The following RBFOX1 variants were observed in gnomAD, a reference collection of about 807,000 sequenced individuals.
The protein encoded by RBFOX1 is RNA binding protein fox-1 homolog 1.
A neutral mutation model predicts 57.7 loss-of-function variants in RBFOX1; 8 were observed. The observed-to-expected ratio is 0.14, with a 90% CI of 0.08 to 0.25. The LOEUF is 0.25. RBFOX1 is among the 10% of genes least tolerant of loss of function. The pLI is 1.00. For missense variants in RBFOX1, 611 were observed against 548.5 expected (o/e 1.11, Z -1.14); for synonymous variants, 326 against 222.4 (o/e 1.47, Z -4.15).
chr16:6,293,073 A>G (rs2077640623), intron 1 of RBFOX1, among the ~76,000 whole-genome samples: 1 of 152,020 alleles, frequency 6.6e-6, no homozygotes, highest in Non-Finnish European at 1.5e-5. Flanking sequence ...TCTACTCCTC[A>G]TAGCCACACT....
At position 7,036,174 on chromosome 16, in the gene RBFOX1, G is replaced by T. The variant is rs552875414; in HGVS notation, c.-15-15883G>T. On this transcript the variant is annotated intron_variant, in intron 3 of 15. Coordinates refer to ENST00000550418, the MANE Select transcript of RBFOX1 (RefSeq NM_018723.4). The stretch of plus-strand genomic sequence containing the variant: ...TCCCTATTTCCTTGTCTGGAGAATT[G>T]GTCCCATGGGACTTAGTTCACCTTG... Among the ~76,000 whole-genome samples, 7 of 150,632 alleles carry T rather than the reference G, an allele frequency of 4.6e-5. No individual in the cohort carries two copies. The South Asian group carries it at 1.1e-3, about 23-fold the overall frequency.
chr16:5,693,113 G>C (rs376270883), intron 3 of RBFOX1, among the ~76,000 whole-genome samples: 2 of 152,120 alleles, frequency 1.3e-5, no homozygotes, highest in Admixed American at 6.5e-5. Flanking sequence ...GTGGACAGAC[G>C]TGGGTGTGAG....
At chr16:5,277,368 G>C (rs1210846245) in intron 1 of RBFOX1, among the ~76,000 whole-genome samples, 2 of 152,048 alleles carry the variant, frequency 1.3e-5, no homozygotes, top group Non-Finnish European at 2.9e-5. Context: ...CTGGCGATGG[G>C]TGTGCCAAAA....
intron 4 of RBFOX1, among the ~76,000 whole-genome samples, chr16:7,237,251 G>C (rs913813674): frequency 6.6e-6 from 1 of 152,188 alleles, no homozygotes; most frequent in South Asian, 2.1e-4. Flanking sequence ...TGCTGGATCA[G>C]CTGGTCCCAG....
chr16:5,450,304 A>G (rs1162875101), intron 1 of RBFOX1, among the ~76,000 whole-genome samples: 1 of 152,198 alleles, frequency 6.6e-6, no homozygotes, highest in Admixed American at 6.5e-5. Context: ...GGTCCTGCTT[A>G]CATAAACAGC....
At chr16:7,174,647 G>A (rs142582084) in intron 4 of RBFOX1, among the ~76,000 whole-genome samples, 1 of 152,152 alleles carries the variant, frequency 6.6e-6, no homozygotes, top group Non-Finnish European at 1.5e-5. Flanking sequence ...AGGCGTGGTG[G>A]TGGGTACCTG....
intron 4 of RBFOX1, among the ~76,000 whole-genome samples, chr16:7,071,514 T>A (rs2057328401): frequency 6.6e-6 from 1 of 151,768 alleles, no homozygotes; most frequent in Admixed American, 6.6e-5. Context: ...TTGAATAGAT[T>A]TGAAAGCAAC....
intron 4 of RBFOX1, among the ~76,000 whole-genome samples, chr16:7,383,133 C>G (rs527639700): frequency 2.0e-5 from 3 of 152,060 alleles, no homozygotes; most frequent in Admixed American, 6.6e-5. Flanking sequence ...CAGTCTTGTT[C>G]TGTGCTTCAT....
chr16:7,710,441 G>T (rs545329639), intron 15 of RBFOX1, 182 bp from the exon 16 acceptor site: 4 of 1,422,230 alleles, frequency 2.8e-6, no homozygotes, highest in Non-Finnish European at 3.6e-6. Context: ...TTTAGGAGGA[G>T]CTATTGGGGA....
At chr16:7,552,536 C>T (rs1181668558) in intron 5 of RBFOX1, among the ~76,000 whole-genome samples, 2 of 152,072 alleles carry the variant, frequency 1.3e-5, no homozygotes, top group South Asian at 2.1e-4. Flanking sequence ...CTTTCTAAGG[C>T]GAGATCTGAA....
At chr16:7,597,629 T>G (rs1464025782) in intron 9 of RBFOX1, among the ~76,000 whole-genome samples, 198 bp downstream of exon 9, 1 of 152,254 alleles carries the variant, frequency 6.6e-6, no homozygotes, top group Non-Finnish European at 1.5e-5. Flanking sequence ...TCAGGTTAAG[T>G]GTGCCTGCCC....
chr16:5,489,906 A>T (rs527467711), intron 2 of RBFOX1, among the ~76,000 whole-genome samples: 1 of 152,274 alleles, frequency 6.6e-6, no homozygotes, highest in East Asian at 1.9e-4. Context: ...CCTTCTTGGC[A>T]CCTTAAGCGC....
chr16:7,246,278 T>A (rs2094295142), intron 4 of RBFOX1, among the ~76,000 whole-genome samples: 1 of 152,138 alleles, frequency 6.6e-6, no homozygotes, highest in African/African-American at 2.4e-5. Flanking sequence ...TGCAATCCAA[T>A]TGCCTCTCAC....
intron 3 of RBFOX1, among the ~76,000 whole-genome samples, chr16:6,976,253 C>T (rs1205985621): frequency 7.2e-5 from 11 of 152,156 alleles, no homozygotes; most frequent in Non-Finnish European, 4.4e-5. Context: ...AGGCACGGGG[C>T]AGTTAAGAAA....
intron 12 of RBFOX1, among the ~76,000 whole-genome samples, chr16:7,659,525 C>A (rs971653095): frequency 5.3e-5 from 8 of 152,086 alleles, no homozygotes; most frequent in African/African-American, 1.9e-4. Context: ...CTGGGACACA[C>A]TGAAAGAATT....
chr16:6,235,338 A>G lies in RBFOX1; in HGVS notation c.-126-81657A>G, dbSNP rs140321555. 5.1e-3 allele frequency among the ~76,000 whole-genome samples: 774 copies of G among 152,260 alleles called. 1 individual carries two copies. The highest frequency in any genetic ancestry group is 7.9e-3 in the Non-Finnish European group (538 of 68,030). ...CCTATTCAGCAGCATAAAAAGTCCAAGCAGGTAGGATTCCCTCCCTTTCCA... is the reference window on the plus strand; with the variant it reads ...CCTATTCAGCAGCATAAAAAGTCCAGGCAGGTAGGATTCCCTCCCTTTCCA... On this transcript the variant is annotated intron_variant, in intron 1 of 15. Coordinates refer to ENST00000550418, the MANE Select transcript of RBFOX1 (RefSeq NM_018723.4).
intron 3 of RBFOX1, among the ~76,000 whole-genome samples, chr16:5,649,459 C>T (rs1443695962): frequency 2.0e-5 from 3 of 152,160 alleles, no homozygotes; most frequent in South Asian, 2.1e-4. Flanking sequence ...CATGAGCCAC[C>T]ATGCCGGGTC....
intron 3 of RBFOX1, among the ~76,000 whole-genome samples, chr16:5,631,950 A>G (rs1487201317): frequency 6.6e-6 from 1 of 152,204 alleles, no homozygotes; most frequent in Admixed American, 6.5e-5. Context: ...ATCCCCAAGT[A>G]GGAAAGAAAG....
chr16:6,405,135 C>G (rs1035890459), intron 2 of RBFOX1, among the ~76,000 whole-genome samples: 2 of 152,168 alleles, frequency 1.3e-5, no homozygotes, highest in Non-Finnish European at 2.9e-5. Flanking sequence ...GCACTCTACT[C>G]TATAACATAG....
Sources: allele counts gnomAD v4.1 joint callset (sites outside exome capture counted in the v4.1 genomes callset), GRCh38; gene constraint gnomAD v4.1.1; transcripts MANE v1.5; gene names NCBI Gene and HGNC (gene_info 2026-07-23, HGNC 2026-07-21).